SGF29: variants seen among roughly 807,000 people sequenced by gnomAD.
SGF29 encodes the protein SAGA complex associated factor 29, also known as SAGA-associated factor 29.
SGF29 carries 15 observed loss-of-function variants against 38.1 expected under a neutral mutation model. The ratio of observed to expected loss-of-function variants is 0.39; its 90% confidence interval spans 0.26 to 0.61. SGF29 has a LOEUF of 0.61. Among genes scored for constraint, SGF29 ranks in the 20% least tolerant of loss-of-function variants. The pLI is 0.49. For missense variants in SGF29, 184 were observed against 394.6 expected, an observed-to-expected ratio of 0.47 and a Z score of 4.52; for synonymous variants, 151 against 160.8, an observed-to-expected ratio of 0.94 and a Z score of 0.46.
chr16:28,567,203 G>A (rs929176097), intron 1 of SGF29, among the ~76,000 whole-genome samples: 3 of 152,084 alleles, frequency 2.0e-5, no homozygotes, highest in Non-Finnish European at 1.5e-5. Flanking sequence ...TAGTAATTTG[G>A]GGTCTTTTCT....
intron 1 of SGF29, among the ~76,000 whole-genome samples, chr16:28,573,740 G>T (rs1342809305): frequency 6.6e-6 from 1 of 152,072 alleles, no homozygotes; most frequent in Non-Finnish European, 1.5e-5. Flanking sequence ...TAGTTTTGAT[G>T]GTGGGCATAA....
At position 28,577,570 on chromosome 16, in the gene SGF29, A is replaced by G. The variant is rs1038046684; in HGVS notation, c.-15-3485A>G. On this transcript the variant is annotated intron_variant, in intron 1 of 9. Transcript: ENST00000317058. The stretch of plus-strand genomic sequence containing the variant: ...GTGTCTCAGTACTTCATTTCTTTTT[A>G]CTGTCAAGTAATATTCCACTGTATG... Among the ~76,000 whole-genome samples, 4 of 152,164 alleles carry G rather than the reference A, an allele frequency of 2.6e-5. No homozygotes were observed. The South Asian group carries it at 6.2e-4, about 24-fold the overall frequency.
intron 1 of SGF29, among the ~76,000 whole-genome samples, chr16:28,575,005 A>G (rs902516688): frequency 5.9e-5 from 9 of 152,194 alleles, no homozygotes; most frequent in Non-Finnish European, 1.3e-4. Context: ...CAGTTTGTCT[A>G]TTGTTCCTTG....
intron 1 of SGF29, among the ~76,000 whole-genome samples, chr16:28,566,293 A>G (rs556242034): frequency 6.6e-6 from 1 of 150,814 alleles, no homozygotes; most frequent in African/African-American, 2.4e-5. Context: ...AAGAAAAAGA[A>G]AAAGAAAGAG....
At chr16:28,571,419 C>A (rs1178351032) in intron 1 of SGF29, among the ~76,000 whole-genome samples, 1 of 151,954 alleles carries the variant, frequency 6.6e-6, no homozygotes, top group Non-Finnish European at 1.5e-5. Context: ...CAAAGCAAAA[C>A]CCCGTCTCTA....
At chr16:28,582,429 A>G (rs1262594132) in intron 2 of SGF29, among the ~76,000 whole-genome samples, 1 of 152,212 alleles carries the variant, frequency 6.6e-6, no homozygotes, top group Non-Finnish European at 1.5e-5. Context: ...ACGGCAGAAC[A>G]CACAGAGTAA....
chr16:28,569,731 T>G (rs1316193085), intron 1 of SGF29, among the ~76,000 whole-genome samples: 1 of 152,132 alleles, frequency 6.6e-6, no homozygotes, highest in African/African-American at 2.4e-5. Context: ...AGGAGACTAG[T>G]ATGGATGTGG....
chr16:28,557,637 G>A (rs999367625), intron 1 of SGF29, among the ~76,000 whole-genome samples: 1 of 152,156 alleles, frequency 6.6e-6, no homozygotes, highest in Non-Finnish European at 1.5e-5. Flanking sequence ...TTGAGAATTG[G>A]GGGGACATGC....
chr16:28,564,392 G>A (rs577513572), intron 1 of SGF29, among the ~76,000 whole-genome samples: 4 of 151,114 alleles, frequency 2.6e-5, no homozygotes, highest in Non-Finnish European at 5.9e-5. Context: ...ATCCCGGAGC[G>A]ATCTTCCACC....
intron 1 of SGF29, 135 bp downstream of exon 1, chr16:28,554,232 G>T (rs1047820027): frequency 6.6e-6 from 1 of 151,870 alleles, no homozygotes; most frequent in Admixed American, 6.6e-5. Flanking sequence ...CTCTGGGCGG[G>T]AGGGGGGCGG....
chr16:28,588,478 T>C, intron 4 of SGF29: 1 of 343,378 alleles, frequency 2.9e-6, no homozygotes, highest in East Asian at 9.5e-5. Flanking sequence ...TCTGGGATCC[T>C]GTGTTCTCTT....
chr16:28,564,641 ATGTG>A (rs199784506), intron 1 of SGF29, among the ~76,000 whole-genome samples: 3 of 112,944 alleles, frequency 2.7e-5, no homozygotes, highest in South Asian at 2.4e-4. Context: ...ATACGTATAT[ATGTG>A]TATATATACG....
At chr16:28,587,543 G>A (rs1329390058) in intron 4 of SGF29, among the ~76,000 whole-genome samples, 1 of 152,180 alleles carries the variant, frequency 6.6e-6, no homozygotes, top group Non-Finnish European at 1.5e-5. Flanking sequence ...GCGTTGGTTT[G>A]GCTGCCCTTG....
At chr16:28,556,522 T>G (rs747529674) in intron 1 of SGF29, among the ~76,000 whole-genome samples, 1 of 152,196 alleles carries the variant, frequency 6.6e-6, no homozygotes, top group Non-Finnish European at 1.5e-5. Context: ...TAATTTTGTA[T>G]TTTTAGTAGA....
rs999851685 is a variant in SGF29, at chr16:28,590,747, G to T, written c.603-26G>T. ...AAGGAGCATCCCCACCCGGCCACAG[G>T]TTGATATAAGCCCCTCTTCCCCCAG... On this transcript the variant is annotated intron_variant, in intron 8 of 9. Transcript: ENST00000317058. This position sits in a 1 kb window ranked among gnomAD's most constrained non-coding sequence, Gnocchi z 8.2. 2 of 1,613,970 alleles carry T rather than the reference G, an allele frequency of 1.2e-6. No homozygotes were observed. Among genetic ancestry groups the T allele is most frequent in the African/African-American group, 1.3e-5 (1 of 74,924 alleles).
chr16:28,564,539 G>C (rs11648977), intron 1 of SGF29, among the ~76,000 whole-genome samples: 2 of 89,044 alleles, frequency 2.2e-5, no homozygotes, highest in Non-Finnish European at 4.8e-5. Flanking sequence ...ATATATATAT[G>C]TATATATATA....
Position 28,554,112 on chromosome 16 carries a change from G to C in SGF29, c.-16+15G>C, listed in dbSNP as rs1415585640. The stretch of plus-strand genomic sequence containing the variant: ...TCCCGGACTCGGTAGGTGGCGACGG[G>C]CCGTGGCCTGAGACCTCCGGCGAAA... On this transcript the variant is annotated intron_variant, in intron 1 of 9. Coordinates refer to ENST00000317058, the MANE Select transcript of SGF29 (RefSeq NM_138414.3). 1.3e-5 allele frequency: 2 copies of C among 152,370 alleles called. No homozygotes were observed. The highest frequency in any genetic ancestry group is 4.8e-5 in the African/African-American group (2 of 41,458). The allele number at this position is 152,370 out of a possible 1,614,324, so 9.4% of individuals were successfully genotyped here.
At chr16:28,589,262 C>G (rs2151654599) in intron 5 of SGF29, 98 bp downstream of exon 5, 2 of 1,239,238 alleles carry the variant, frequency 1.6e-6, no homozygotes, top group South Asian at 2.4e-5. Context: ...GTGGCCACCA[C>G]CTGCTGGCAT....
intron 5 of SGF29, among the ~76,000 whole-genome samples, chr16:28,589,760 C>A (rs1273783285): frequency 6.6e-6 from 1 of 152,126 alleles, no homozygotes; most frequent in Non-Finnish European, 1.5e-5. Context: ...CACATAAGTG[C>A]AGAGTTCAAT....
Sources: gnomAD v4.1 joint callset for allele counts (sites outside exome capture counted in the v4.1 genomes callset) on GRCh38, gnomAD v4.1.1 for gene constraint, Gnocchi (gnomAD v3.1) non-coding constraint, MANE v1.5 for transcripts, NCBI Gene and HGNC (gene_info 2026-07-23, HGNC 2026-07-21) for gene names.